Variants in CEP85 observed in about 807,000 individuals in gnomAD.
The protein encoded by CEP85 is centrosomal protein 85.
A neutral mutation model predicts 93.7 loss-of-function variants in CEP85; 58 were observed. The ratio of observed to expected loss-of-function variants is 0.62; its 90% CI spans 0.50 to 0.77. The LOEUF (loss-of-function observed/expected upper bound fraction) is 0.77. Among genes scored for constraint, CEP85 ranks in the 30% least tolerant of loss-of-function variants. CEP85 has a pLI of 0.00. For missense variants in CEP85, 868 were observed against 922.0 expected (o/e 0.94, Z 0.76); for synonymous variants, 314 against 338.6 (o/e 0.93, Z 0.80).
At position 26,255,189 on chromosome 1, in the gene CEP85, G is replaced by T. The variant is rs1317039590; in HGVS notation, c.227G>T (p.Gly76Val). The T allele has an allele frequency of 1.2e-6, 2 of 1,613,268 alleles. No individual in the cohort carries two copies. Among genetic ancestry groups the T allele is most frequent in the Non-Finnish European group, 1.7e-6 (2 of 1,179,392 alleles). Residue 76 changes from glycine (G) to valine (V), a missense_variant, in exon 4 of 14, where the codon GGC becomes GTC. Transcript: ENST00000451429. ...TCCCCAGATTTTTGCAGCTCAAGTG[G>T]CAGTCCTCCTTTCCAGCCCATCAAA... is the stretch of plus-strand genomic sequence containing the variant. ...DIAEDFCSSS[G>V]SPPFQPIKSH...
rs549168134 is a variant in CEP85 at position 26,260,189 on chromosome 1, G to T, written c.1341+387G>T. ...TCTGGTTTCTCACCCTTCCTAAAAA[G>T]TAGAGAAAAATTCCATGTGCATCAG... On this transcript the variant is annotated intron_variant, in intron 7 of 13. Transcript: ENST00000451429. Among the ~76,000 whole-genome samples the T allele has an allele frequency of 1.5e-4, 23 of 152,270 alleles. No individual in the cohort carries two copies. The East Asian group carries it at 3.9e-3, about 26-fold the overall frequency.
chr1:26,246,471 T>C (rs2124566631), intron 3 of CEP85, among the ~76,000 whole-genome samples: 1 of 152,258 alleles, frequency 6.6e-6, no homozygotes, highest in East Asian at 1.9e-4. Context: ...TAGGGGCTGA[T>C]GTCTATAATC....
intron 3 of CEP85, among the ~76,000 whole-genome samples, chr1:26,248,990 T>C (rs575782027): frequency 6.6e-6 from 1 of 151,996 alleles, no homozygotes; most frequent in East Asian, 1.9e-4. Flanking sequence ...CTTCTCAAAG[T>C]GCTGGGATTA....
intron 3 of CEP85, among the ~76,000 whole-genome samples, chr1:26,250,585 T>A (rs1025019804): frequency 1.3e-5 from 2 of 152,204 alleles, no homozygotes; most frequent in East Asian, 3.8e-4. Flanking sequence ...ATAGATAAGT[T>A]AAAAATGTGG....
chr1:26,264,100 G>C (rs1248893848), intron 7 of CEP85, among the ~76,000 whole-genome samples: 1 of 152,168 alleles, frequency 6.6e-6, no homozygotes, highest in African/African-American at 2.4e-5. Context: ...GTATCTCTCT[G>C]ACAGTATTGA....
Position 26,277,430 on chromosome 1 carries a change from A to T in CEP85, c.*137A>T. On this transcript the variant is annotated 3_prime_UTR_variant, in exon 14 of 14. Coordinates refer to ENST00000451429, the MANE Select transcript of CEP85 (RefSeq NM_001319944.2). ...AGGGGAGAGCCTGCATCTGGGGGCC[A>T]AGGGCTGATTAGGGAACTGTGTCCT... The T allele has an allele frequency of 1.3e-6, 1 of 765,766 alleles. No individual in the cohort carries two copies. The highest frequency in any genetic ancestry group is 2.1e-6 in the Non-Finnish European group (1 of 471,350). 47.4% of individuals were successfully genotyped at this position (765,766 alleles called of 1,614,324 possible). A position where few individuals can be genotyped will look rare whatever the true frequency, so the allele number is the denominator to read the frequency against.
chr1:26,249,165 T>C (rs2089563151), intron 3 of CEP85, among the ~76,000 whole-genome samples: 1 of 152,260 alleles, frequency 6.6e-6, no homozygotes, highest in African/African-American at 2.4e-5. Flanking sequence ...CACTGCAACC[T>C]CCGCCTCCCG....
rs1158407851 is a variant in CEP85, at chr1:26,277,205, A to G, written c.2198A>G (p.Gln733Arg). 6.2e-7 allele frequency: 1 copy of G among 1,614,202 alleles called. No homozygotes were observed. Among genetic ancestry groups the G allele is most frequent in the Non-Finnish European group, 8.5e-7 (1 of 1,179,986 alleles). ...ATCAAGAGGAAACTAGAAGAGGTTC[A>G]ACAGCTGCGTCGTGACATTGAGGAC... Reference protein sequence around the residue: ...DVIKRKLEEVQQLRRDIEDLR... With the variant: ...DVIKRKLEEVRQLRRDIEDLR... Residue 733 changes from glutamine (Q) to arginine (R), a missense_variant, in exon 14 of 14, where the codon CAA becomes CGA. Transcript: ENST00000451429.
At chr1:26,240,009 T>G (rs1454012643) in intron 2 of CEP85, among the ~76,000 whole-genome samples, 171 bp downstream of exon 2, 1 of 152,180 alleles carries the variant, frequency 6.6e-6, no homozygotes, top group Non-Finnish European at 1.5e-5. Flanking sequence ...GGAACAAGTA[T>G]TTATCTCTTG....
At chr1:26,275,109 A>T (rs1459948445) in intron 12 of CEP85, 38 bp downstream of exon 12, 35 of 1,476,252 alleles carry the variant, frequency 2.4e-5, no homozygotes, top group Non-Finnish European at 3.1e-5. Flanking sequence ...TTTTGCCTCC[A>T]CAAACCCGAT....
At chr1:26,247,006 G>A (rs999150640) in intron 3 of CEP85, among the ~76,000 whole-genome samples, 11 of 152,146 alleles carry the variant, frequency 7.2e-5, no homozygotes, top group African/African-American at 2.4e-4. Flanking sequence ...CAGGTCGAGC[G>A]TTACCGCCTG....
chr1:26,256,600 CTTT>C (rs771960691), intron 4 of CEP85, among the ~76,000 whole-genome samples: 17 of 127,108 alleles, frequency 1.3e-4, no homozygotes, highest in South Asian at 2.6e-4. Context: ...TTTGTATTTT[CTTT>C]TTTTTTTTTT....
At position 26,255,585 on chromosome 1, in the gene CEP85, A is replaced by C. The variant is rs565099659; in HGVS notation, c.623A>C (p.His208Pro). 6.2e-7 allele frequency: 1 copy of C among 1,614,164 alleles called. No individual in the cohort carries two copies. Among genetic ancestry groups the C allele is most frequent in the South Asian group, 1.1e-5 (1 of 91,084 alleles). The change falls in exon 4 of 14, where the codon CAC becomes CCC. Residue 208 changes from histidine (H) to proline (P), a missense_variant. His to Pro is a moderately conservative substitution (Grantham distance 77, BLOSUM62 -2). Coordinates refer to ENST00000451429, the MANE Select transcript of CEP85 (RefSeq NM_001319944.2). The part of the protein sequence containing the change: ...YSDPHHRVRF[H>P]NPRTSTSKEL... ...GATCCTCACCACCGAGTCCGCTTCCACAACCCAAGAACCAGCACAAGTAAG... is the reference window on the plus strand; with the variant it reads ...GATCCTCACCACCGAGTCCGCTTCCCCAACCCAAGAACCAGCACAAGTAAG...
chr1:26,268,431 A>G, intron 7 of CEP85, 52 bp from the exon 8 acceptor site: 1 of 1,608,230 alleles, frequency 6.2e-7, no homozygotes, highest in Non-Finnish European at 8.5e-7. Context: ...GCACTCCAGC[A>G]GGGTCATAGT....
rs1279865708 is a variant in CEP85, at chr1:26,255,266, T to C, written c.304T>C (p.Ser102Pro). ...TGTGATGCCTTCTACTTTAGGGACC[T>C]CTCCTGCCAAGCCAAATTCTACACC... ...AHVMPSTLGT[S>P]PAKPNSTPVG... The change falls in exon 4 of 14, where the codon TCT becomes CCT. Residue 102 changes from serine (S) to proline (P), a missense_variant. Physicochemically the swap from Ser to Pro is moderately conservative, Grantham distance 74. Coordinates refer to ENST00000451429, the MANE Select transcript of CEP85 (RefSeq NM_001319944.2). 5.0e-6 allele frequency: 8 copies of C among 1,613,990 alleles called. No homozygotes were observed. The highest frequency in any genetic ancestry group is 6.8e-6 in the Non-Finnish European group (8 of 1,180,012).
In CEP85 at chr1:26,269,467, A is replaced by T. The variant is rs775180542; in HGVS notation, c.1502A>T (p.Asp501Val). The change falls in exon 9 of 14, where the codon GAT becomes GTT. Residue 501 changes from aspartate (D) to valine (V), a missense_variant. Transcript: ENST00000451429. ...DHQKQSQQLKDSELKSTELQE... is the reference protein window; with the variant it reads ...DHQKQSQQLKVSELKSTELQE... ...TGGGATCCTGTCTCTCAGCTTAAGG[A>T]TTCTGAGTTGAAGAGCACAGAGCTG... 1 of 1,614,064 alleles carries T rather than the reference A, an allele frequency of 6.2e-7. No individual in the cohort carries two copies. Among genetic ancestry groups the T allele is most frequent in the Non-Finnish European group, 8.5e-7 (1 of 1,179,940 alleles).
At chr1:26,267,496 G>A (rs1348805718) in intron 7 of CEP85, among the ~76,000 whole-genome samples, 6 of 152,142 alleles carry the variant, frequency 3.9e-5, no homozygotes, top group Non-Finnish European at 7.4e-5. Flanking sequence ...CCCAGGAGGC[G>A]AAGGTCGCAG....
chr1:26,246,894 T>A (rs2089517904), intron 3 of CEP85, among the ~76,000 whole-genome samples: 1 of 152,052 alleles, frequency 6.6e-6, no homozygotes, highest in Non-Finnish European at 1.5e-5. Context: ...CACAAAAGGC[T>A]GTATATTGCA....
intron 7 of CEP85, among the ~76,000 whole-genome samples, chr1:26,262,176 G>A (rs968753689): frequency 2.6e-5 from 4 of 152,020 alleles, no homozygotes; most frequent in Admixed American, 1.3e-4. Flanking sequence ...GGGTGGTGGC[G>A]CACGCCTATA....
Sources: gnomAD v4.1 joint callset for allele counts (sites outside exome capture counted in the v4.1 genomes callset) on GRCh38, gnomAD v4.1.1 for gene constraint, MANE v1.5 for transcripts, NCBI Gene and HGNC (gene_info 2026-07-23, HGNC 2026-07-21) for gene names.